The following TG variants were observed in gnomAD, a reference collection of about 807,000 sequenced individuals.
TG encodes the protein thyroid hormones.
TG carries 270 observed loss-of-function variants against 324.7 expected under a neutral mutation model. That is an observed-to-expected ratio of 0.83 (90% CI 0.75 to 0.92). TG has a LOEUF of 0.92. Among genes scored for constraint, TG ranks in the 40% least tolerant of loss-of-function variants. The probability of loss-of-function intolerance (pLI) is 0.00; values close to 1 mark genes in which losing one functional copy is unlikely to be tolerated. For missense variants in TG, 3,591 were observed against 3,456.4 expected (o/e 1.04, Z -0.98); for synonymous variants, 1,401 against 1,327.0 (o/e 1.06, Z -1.21).
At chr8:132,936,581 T>C (rs1277942684) in intron 25 of TG, among the ~76,000 whole-genome samples, 1 of 152,190 alleles carries the variant, frequency 6.6e-6, no homozygotes, top group Non-Finnish European at 1.5e-5. Flanking sequence ...TTCACACTCA[T>C]GGAAACTCTT....
intron 41 of TG, among the ~76,000 whole-genome samples, chr8:133,070,011 A>G (rs1843726382): frequency 1.7e-5 from 2 of 118,462 alleles, no homozygotes; most frequent in South Asian, 2.4e-4. Flanking sequence ...CAAAAAAAAA[A>G]AAAAAAAAAA....
chr8:132,894,819 T>C (rs1816872065), intron 11 of TG, among the ~76,000 whole-genome samples: 1 of 152,216 alleles, frequency 6.6e-6, no homozygotes, highest in African/African-American at 2.4e-5. Flanking sequence ...AAGTAGATTA[T>C]CAGATCTTCA....
intron 37 of TG, 149 bp from the exon 38 acceptor site, chr8:133,017,629 C>G: frequency 1.3e-6 from 1 of 782,982 alleles, no homozygotes; most frequent in South Asian, 1.5e-5. Context: ...TACATTTAAG[C>G]TGTAGGGGTC....
chr8:132,897,533 T>C, intron 11 of TG, 116 bp from the exon 12 acceptor site: 1 of 1,397,718 alleles, frequency 7.2e-7, no homozygotes. Context: ...GTTTGTCAAA[T>C]AAATAAATAA....
chr8:133,091,734 G>A (rs1847575867), intron 41 of TG, among the ~76,000 whole-genome samples: 1 of 152,052 alleles, frequency 6.6e-6, no homozygotes, highest in South Asian at 2.1e-4. Flanking sequence ...GTGTCTATGT[G>A]TGTGGGTGTA....
chr8:133,008,719 C>T (rs182895009), intron 35 of TG, among the ~76,000 whole-genome samples: 1 of 152,316 alleles, frequency 6.6e-6, no homozygotes, highest in Non-Finnish European at 1.5e-5. Context: ...CTGGCTAAGC[C>T]GATTGGCTAA....
chr8:132,920,538 C>T (rs1318027475), intron 21 of TG, among the ~76,000 whole-genome samples: 1 of 152,158 alleles, frequency 6.6e-6, no homozygotes, highest in Non-Finnish European at 1.5e-5. Context: ...ATAGAGTGTC[C>T]TTGACATCTG....
At chr8:133,061,513 G>A (rs1842366316) in intron 41 of TG, among the ~76,000 whole-genome samples, 2 of 152,182 alleles carry the variant, frequency 1.3e-5, no homozygotes, top group Admixed American at 1.3e-4. Context: ...TTTTGGAAAG[G>A]GACATAGATT....
At position 132,877,979 on chromosome 8, in the gene TG, C is replaced by A. The variant is rs114497946; in HGVS notation, c.639-3884C>A. On this transcript the variant is annotated intron_variant, in intron 5 of 47. Coordinates refer to ENST00000220616, the MANE Select transcript of TG (RefSeq NM_003235.5). ...GATAAAAATGGAAATTAGAGGGAATCATGAGGAAGGCAAAATAAAAGTAGA... is the reference window on the plus strand; with the variant it reads ...GATAAAAATGGAAATTAGAGGGAATAATGAGGAAGGCAAAATAAAAGTAGA... 6.3e-4 allele frequency among the ~76,000 whole-genome samples: 96 copies of A among 152,136 alleles called. 1 individual carries two copies. Among genetic ancestry groups the A allele is most frequent in the African/African-American group, 2.2e-3 (93 of 41,484 alleles).
intron 35 of TG, among the ~76,000 whole-genome samples, chr8:132,989,981 G>T (rs1832104006): frequency 6.6e-6 from 1 of 151,952 alleles, no homozygotes; most frequent in Non-Finnish European, 1.5e-5. Flanking sequence ...AGTCTAGCAG[G>T]CTTTTGTTGA....
At chr8:133,038,286 C>T in intron 41 of TG, 1 of 559,156 alleles carries the variant, frequency 1.8e-6, no homozygotes, top group South Asian at 2.1e-5. Flanking sequence ...CAAGCATCGC[C>T]CGACATGTCA....
chr8:132,877,354 G>A (rs1481239789), intron 5 of TG, among the ~76,000 whole-genome samples: 1 of 152,064 alleles, frequency 6.6e-6, no homozygotes, highest in Non-Finnish European at 1.5e-5. Context: ...GGTCAGGCTG[G>A]TCTGAAACTC....
chr8:133,059,889 G>T (rs1842110284), intron 41 of TG, among the ~76,000 whole-genome samples: 1 of 152,186 alleles, frequency 6.6e-6, no homozygotes, highest in South Asian at 2.1e-4. Context: ...CCAAAGATTT[G>T]ACACCCTTCA....
intron 41 of TG, among the ~76,000 whole-genome samples, chr8:133,079,808 A>C (rs1564163149): frequency 1.3e-5 from 2 of 152,172 alleles, no homozygotes; most frequent in Non-Finnish European, 1.5e-5. Flanking sequence ...AGAGAAGTTC[A>C]ATACCACTTA....
At chr8:132,925,516 C>CGTGTGT (rs139966752) in intron 22 of TG, among the ~76,000 whole-genome samples, 6,600 of 144,716 alleles carry the variant, frequency 0.046, 178 homozygotes, top group Middle Eastern at 0.094. Context: ...CTAAGGAGTG[C>CGTGTGT]GTGTGTGTGT....
intron 41 of TG, among the ~76,000 whole-genome samples, chr8:133,073,437 C>T (rs989282940): frequency 2.0e-5 from 3 of 152,150 alleles, no homozygotes; most frequent in Admixed American, 2.0e-4. Context: ...CTCACTGCAA[C>T]CTGCAACCTC....
At chr8:132,948,752 T>C in intron 26 of TG, 24 bp from the exon 27 acceptor site, 1 of 1,612,600 alleles carries the variant, frequency 6.2e-7, no homozygotes, top group Non-Finnish European at 8.5e-7. Flanking sequence ...CACACTGACC[T>C]CTCCTACCTC....
In TG at chr8:132,948,831, A is replaced by G. The variant is rs1218326407; in HGVS notation, c.5289A>G (p.Lys1763=). The part of the protein sequence containing the change: ...SSPSVLLCNV[K]DWMDPSEAWA... ...CCAGTGTCCTGCTTTGTAATGTCAA[A>G]GACTGGATGGATCCCTCTGAAGCCT... is the stretch of plus-strand genomic sequence containing the variant. The change falls in exon 27 of 48, where the codon AAA becomes AAG. Residue 1763 remains lysine, a synonymous_variant. Coordinates refer to ENST00000220616, the MANE Select transcript of TG (RefSeq NM_003235.5). 6.2e-7 allele frequency: 1 copy of G among 1,613,858 alleles called. No individual in the cohort carries two copies. Among genetic ancestry groups the G allele is most frequent in the Non-Finnish European group, 8.5e-7 (1 of 1,180,012 alleles).
At chr8:132,875,318 A>G (rs1839857821) in intron 5 of TG, among the ~76,000 whole-genome samples, 2 of 152,238 alleles carry the variant, frequency 1.3e-5, no homozygotes, top group Admixed American at 1.3e-4. Context: ...ATGTGTTCTC[A>G]GTTCAAGATC....
Sources: allele counts gnomAD v4.1 joint callset (sites outside exome capture counted in the v4.1 genomes callset), GRCh38; gene constraint gnomAD v4.1.1; transcripts MANE v1.5; gene names NCBI Gene and HGNC (gene_info 2026-07-23, HGNC 2026-07-21).